KCNAB1: variants seen among roughly 807,000 people sequenced by gnomAD.
KCNAB1 encodes the protein voltage-gated potassium channel subunit beta-1.
KCNAB1 carries 35 observed loss-of-function variants against 64.6 expected under a neutral mutation model. The observed-to-expected ratio is 0.54, with a 90% CI of 0.41 to 0.72. The LOEUF is 0.72. KCNAB1 is among the 30% of genes least tolerant of loss of function. The pLI is 0.00. For missense variants in KCNAB1, 401 were observed against 512.9 expected (o/e 0.78, Z 2.11); for synonymous variants, 177 against 183.8 (o/e 0.96, Z 0.30).
chr3:156,138,696 A>G (rs866293052), intron 1 of KCNAB1, among the ~76,000 whole-genome samples: 14 of 152,330 alleles, frequency 9.2e-5, no homozygotes, highest in South Asian at 2.1e-4. Context: ...TGATTAGAGC[A>G]ATTACTTTTT....
chr3:156,312,756 T>C (rs1722013587), intron 1 of KCNAB1, among the ~76,000 whole-genome samples: 1 of 143,792 alleles, frequency 7.0e-6, no homozygotes, highest in African/African-American at 2.6e-5. Context: ...ATTAGTTCTA[T>C]GTGCATTCGA....
At chr3:156,336,977 A>G (rs542893535) in intron 1 of KCNAB1, among the ~76,000 whole-genome samples, 40 of 152,374 alleles carry the variant, frequency 2.6e-4, no homozygotes, top group African/African-American at 8.7e-4. Context: ...TGAAAATGCT[A>G]TTGTAGTGTG....
At chr3:156,471,460 G>A (rs999756289) in intron 7 of KCNAB1, among the ~76,000 whole-genome samples, 1 of 152,114 alleles carries the variant, frequency 6.6e-6, no homozygotes, top group African/African-American at 2.4e-5. Context: ...TCTCCTCAAG[G>A]TCAGGGAGCA....
At chr3:156,364,548 G>C (rs1323024106) in intron 1 of KCNAB1, among the ~76,000 whole-genome samples, 1 of 152,192 alleles carries the variant, frequency 6.6e-6, no homozygotes, top group African/African-American at 2.4e-5. Context: ...AGAGGCCGAG[G>C]CGGGCGGATC....
intron 1 of KCNAB1, among the ~76,000 whole-genome samples, chr3:156,175,596 T>C (rs755449664): frequency 2.0e-5 from 3 of 152,150 alleles, no homozygotes; most frequent in Non-Finnish European, 4.4e-5. Context: ...CCAGCCTGGG[T>C]GATAGAGCGA....
intron 1 of KCNAB1, among the ~76,000 whole-genome samples, chr3:156,258,235 G>A (rs918879096): frequency 1.2e-4 from 19 of 152,212 alleles, no homozygotes; most frequent in African/African-American, 3.1e-4. Context: ...TGGGAGGAGC[G>A]TCTATCTTAC....
chr3:156,415,890 A>G (rs114721562), intron 1 of KCNAB1, among the ~76,000 whole-genome samples: 2,023 of 152,222 alleles, frequency 0.013, 20 homozygotes, highest in South Asian at 0.033. Context: ...TGGATGTCTC[A>G]TGGATATTCA....
chr3:156,492,691 AC>A (rs1481900968), intron 8 of KCNAB1, among the ~76,000 whole-genome samples: 1 of 152,152 alleles, frequency 6.6e-6, no homozygotes. Context: ...AAATGAAAAC[AC>A]AAAATATGAA....
intron 1 of KCNAB1, among the ~76,000 whole-genome samples, chr3:156,217,689 A>G (rs1715411514): frequency 6.6e-6 from 1 of 152,260 alleles, no homozygotes; most frequent in South Asian, 2.1e-4. Context: ...ATATAGAAAG[A>G]GTGCTCATTA....
intron 2 of KCNAB1, among the ~76,000 whole-genome samples, chr3:156,428,219 C>T (rs1715958581): frequency 6.6e-6 from 1 of 152,114 alleles, no homozygotes; most frequent in Non-Finnish European, 1.5e-5. Flanking sequence ...TAGCACTTTC[C>T]CAATCAGTTG....
intron 1 of KCNAB1, among the ~76,000 whole-genome samples, chr3:156,153,396 A>T (rs9865444): frequency 0.016 from 2,453 of 152,274 alleles, 71 homozygotes; most frequent in African/African-American, 0.056. Flanking sequence ...TTCTTCTGAG[A>T]TATCCATTTT....
intron 1 of KCNAB1, among the ~76,000 whole-genome samples, chr3:156,320,263 G>A (rs968742621): frequency 3.3e-5 from 5 of 152,090 alleles, no homozygotes; most frequent in Non-Finnish European, 5.9e-5. Context: ...TCTAAACTGC[G>A]AGCTCCTCAA....
Position 156,206,677 on chromosome 3 carries a change from T to C in KCNAB1, c.275+85791T>C, listed in dbSNP as rs141087922. 2.8e-3 allele frequency among the ~76,000 whole-genome samples: 422 copies of C among 152,332 alleles called. 3 individuals carry two copies. Among genetic ancestry groups the C allele is most frequent in the African/African-American group, 9.4e-3 (390 of 41,574 alleles). On this transcript the variant is annotated intron_variant, in intron 1 of 13. Transcript: ENST00000490337. ...TGTTTATTTACATTTATCTTTGCAT[T>C]TCAACATATAACAGCCACCTGGGGA...
At chr3:156,429,684 T>C (rs1486554251) in intron 2 of KCNAB1, among the ~76,000 whole-genome samples, 1 of 152,226 alleles carries the variant, frequency 6.6e-6, no homozygotes, top group Non-Finnish European at 1.5e-5. Flanking sequence ...CCCTTCATGA[T>C]TCCCATTCTT....
intron 8 of KCNAB1, among the ~76,000 whole-genome samples, chr3:156,502,079 T>G (rs1716485013): frequency 6.6e-6 from 1 of 152,092 alleles, no homozygotes; most frequent in Non-Finnish European, 1.5e-5. Flanking sequence ...AAGTGGAGAT[T>G]TGGGTGGGGA....
intron 2 of KCNAB1, among the ~76,000 whole-genome samples, chr3:156,442,168 T>C (rs1032901096): frequency 6.6e-6 from 1 of 152,218 alleles, no homozygotes. Flanking sequence ...AATTAAGCCA[T>C]TAATTTAAGT....
chr3:156,350,463 C>T (rs79696607), intron 1 of KCNAB1, among the ~76,000 whole-genome samples: 4,191 of 150,268 alleles, frequency 0.028, 72 homozygotes, highest in Middle Eastern at 0.1. Flanking sequence ...GGGAAGTTTG[C>T]ACCACTGCAC....
intron 1 of KCNAB1, among the ~76,000 whole-genome samples, chr3:156,301,536 A>G (rs970879509): frequency 2.6e-5 from 4 of 152,236 alleles, no homozygotes; most frequent in African/African-American, 9.6e-5. Flanking sequence ...ATGAAGAGAA[A>G]ATAAATGAAC....
At chr3:156,414,083 C>T (rs1714882644) in intron 1 of KCNAB1, among the ~76,000 whole-genome samples, 1 of 152,218 alleles carries the variant, frequency 6.6e-6, no homozygotes, top group Non-Finnish European at 1.5e-5. Context: ...ATTCCTCAGT[C>T]TCTGCTACAT....
Sources: gnomAD v4.1 joint callset for allele counts (sites outside exome capture counted in the v4.1 genomes callset) on GRCh38, gnomAD v4.1.1 for gene constraint, MANE v1.5 for transcripts, NCBI Gene and HGNC (gene_info 2026-07-23, HGNC 2026-07-21) for gene names.